MYH14: variants seen among roughly 807,000 people sequenced by gnomAD.
MYH14 encodes the protein myosin heavy chain 14.
MYH14 carries 123 observed loss-of-function variants against 255.5 expected under a neutral mutation model. The observed-to-expected ratio is 0.48, with a 90% confidence interval of 0.42 to 0.56. MYH14 has a LOEUF of 0.56. MYH14 is among the 20% of genes least tolerant of loss of function. The probability of loss-of-function intolerance (pLI) is 0.00; values close to 1 mark genes in which losing one functional copy is unlikely to be tolerated. For missense variants in MYH14, 2,423 were observed against 2,802.3 expected, an observed-to-expected ratio of 0.86 and a Z score of 3.06; for synonymous variants, 1,095 against 1,161.2, an observed-to-expected ratio of 0.94 and a Z score of 1.16.
At position 50,214,181 on chromosome 19, in the gene MYH14, G is replaced by T. The variant is rs12462388; in HGVS notation, c.405+3411G>T. ...ACATGAACTTGTGGATGACTCCCAGGCACCTTATGTAGGAAGCACTATTTC... is the reference window on the plus strand; with the variant it reads ...ACATGAACTTGTGGATGACTCCCAGTCACCTTATGTAGGAAGCACTATTTC... On this transcript the variant is annotated intron_variant, in intron 2 of 42. Coordinates refer to ENST00000642316, the MANE Select transcript of MYH14 (RefSeq NM_001145809.2). Among the ~76,000 whole-genome samples, 508 of 152,262 alleles carry T rather than the reference G, an allele frequency of 3.3e-3. 5 individuals carry two copies. In the East Asian group the frequency reaches 0.057, roughly 17 times the overall value.
At chr19:50,303,377 G>A (rs2036556823) in intron 40 of MYH14, among the ~76,000 whole-genome samples, 3 of 152,174 alleles carry the variant, frequency 2.0e-5, no homozygotes, top group Admixed American at 2.0e-4. Flanking sequence ...CAGGAGGCTA[G>A]CCCAGGATTG....
At chr19:50,257,174 C>A in intron 17 of MYH14, 125 bp from the exon 18 acceptor site, 1 of 702,672 alleles carries the variant, frequency 1.4e-6, no homozygotes, top group Non-Finnish European at 2.3e-6. Flanking sequence ...ACCTTACAGG[C>A]TGTGTGAGGT....
At chr19:50,210,796 CG>C (rs1568462229) in intron 2 of MYH14, 26 bp downstream of exon 2, 2 of 1,537,372 alleles carry the variant, frequency 1.3e-6, no homozygotes, top group Non-Finnish European at 1.7e-6. Flanking sequence ...CTGGGGGGCG[CG>C]TGCGGCGGAG....
Position 50,290,963 on chromosome 19 carries a change from A to T in MYH14, c.5042A>T (p.Glu1681Val). The T allele has an allele frequency of 6.2e-7, 1 of 1,605,624 alleles. No homozygotes were observed. Among genetic ancestry groups the T allele is most frequent in the Non-Finnish European group, 8.5e-7 (1 of 1,176,686 alleles). Residue 1681 changes from glutamate (E) to valine (V), a missense_variant, in exon 36 of 43, where the codon GAG (glutamate) becomes GTG (valine). By Grantham distance (121) the Glu-to-Val change is moderately radical. This residue lies in a region of MYH14 where 1,513 missense variants were observed against 1,674.8 expected (regional missense o/e 0.90). Coordinates refer to ENST00000642316, the MANE Select transcript of MYH14 (RefSeq NM_001145809.2). ...GCCGTGGCTGCCCGCAAGAAGCTGG[A>T]GGGAGAGCTGGAGGAGCTGAAGGCT... ...TLAVAARKKL[E>V]GELEELKAQM...
At chr19:50,271,648 A>C in intron 25 of MYH14, 102 bp downstream of exon 25, 3 of 1,429,578 alleles carry the variant, frequency 2.1e-6, no homozygotes, top group Non-Finnish European at 2.9e-6. Context: ...TGCGGTTCTC[A>C]GGTGTGCACC....
intron 2 of MYH14, among the ~76,000 whole-genome samples, chr19:50,212,187 A>G (rs954651523): frequency 4.6e-5 from 7 of 152,148 alleles, no homozygotes; most frequent in African/African-American, 1.7e-4. Context: ...CTTAGAAAAT[A>G]CCAGTGACGG....
Position 50,293,451 on chromosome 19 carries a change from G to A in MYH14, c.5346-113G>A. The stretch of plus-strand genomic sequence containing the variant: ...GCGGGGTTAACCTCGGGGCCCCTGG[G>A]GTGTGAGGCTGGGGAGATGCGTGGG... On this transcript the variant is annotated intron_variant, in intron 38 of 42. Transcript: ENST00000642316. This position sits in a 1 kb window ranked among gnomAD's most constrained non-coding sequence, Gnocchi z 4.1. 1 of 1,542,222 alleles carries A rather than the reference G, an allele frequency of 6.5e-7. No individual in the cohort carries two copies. The highest frequency in any genetic ancestry group is 8.8e-7 in the Non-Finnish European group (1 of 1,136,332).
chr19:50,217,061 G>A (rs1316854400), intron 2 of MYH14, among the ~76,000 whole-genome samples: 5 of 151,774 alleles, frequency 3.3e-5, no homozygotes, highest in African/African-American at 4.8e-5. Flanking sequence ...CACCCGTCTC[G>A]GCTTCCCAAA....
At chr19:50,281,324 T>C (rs546726695) in intron 32 of MYH14, among the ~76,000 whole-genome samples, 1 of 152,312 alleles carries the variant, frequency 6.6e-6, no homozygotes, top group Non-Finnish European at 1.5e-5. Context: ...TGTGACTCTG[T>C]GTCTCCCCCA....
At chr19:50,223,217 C>A in intron 4 of MYH14, 30 bp from the exon 5 acceptor site, 1 of 1,610,536 alleles carries the variant, frequency 6.2e-7, no homozygotes, top group Non-Finnish European at 8.5e-7. Flanking sequence ...TCATTGCCAA[C>A]CCCTTTGCTT....
chr19:50,276,687 C>T lies in MYH14; in HGVS notation c.3681-70C>T. 6.3e-7 allele frequency: 1 copy of T among 1,599,064 alleles called. No homozygotes were observed. The highest frequency in any genetic ancestry group is 8.6e-7 in the Non-Finnish European group (1 of 1,168,824). The stretch of plus-strand genomic sequence containing the variant: ...AAGGAAACATGAAAAGGAGAAACAA[C>T]CAGCTCCCCCAAAGCCCCTGCCTTC... On this transcript the variant is annotated intron_variant, in intron 28 of 42. Transcript: ENST00000642316. The surrounding 1 kb of genome is among the most constrained non-coding windows in gnomAD (Gnocchi z 4.3).
At chr19:50,259,916 C>T (rs1378437045) in intron 19 of MYH14, among the ~76,000 whole-genome samples, 1 of 151,962 alleles carries the variant, frequency 6.6e-6, no homozygotes, top group East Asian at 1.9e-4. Flanking sequence ...TAGAATAGGA[C>T]AGAATAGAAA....
chr19:50,261,897 G>C (rs2034894495), intron 21 of MYH14, among the ~76,000 whole-genome samples: 1 of 152,138 alleles, frequency 6.6e-6, no homozygotes, highest in Non-Finnish European at 1.5e-5. Context: ...GTGGGCCTGG[G>C]TCTGGGTTTC....
At chr19:50,248,059 CAAAAAAAAAAAAAAA>C (rs10588130) in intron 12 of MYH14, among the ~76,000 whole-genome samples, 2 of 106,834 alleles carry the variant, frequency 1.9e-5, no homozygotes, top group Non-Finnish European at 3.8e-5. Context: ...GACTCTGTCT[CAAAAAAAAAAAAAAA>C]AAGAAAAGAA....
In MYH14 at chr19:50,236,160, C is replaced by T. The variant is rs375362933; in HGVS notation, c.1114+4090C>T. The stretch of plus-strand genomic sequence containing the variant: ...CAGCCTGGGCAACATGATGCAACCT[C>T]GTCTTTACAAAAAACACAAAAAATT... On this transcript the variant is annotated intron_variant, in intron 10 of 42. Transcript: ENST00000642316. Among the ~76,000 whole-genome samples, 75 of 151,874 alleles carry T rather than the reference C, an allele frequency of 4.9e-4. 1 individual carries two copies. In the South Asian group the frequency reaches 0.015, roughly 29 times the overall value.
rs574315939 is a variant in MYH14, at chr19:50,207,709, G to C, written c.-3-2654G>C. Among the ~76,000 whole-genome samples, 7 of 152,346 alleles carry C rather than the reference G, an allele frequency of 4.6e-5. No homozygotes were observed. The East Asian group carries it at 1.3e-3, about 29-fold the overall frequency. On this transcript the variant is annotated intron_variant, in intron 1 of 42. Transcript: ENST00000642316. ...CAGTGAGATTCGAGTCTATTCTGCA[G>C]GCATGAGATAGGCGTGACCAGAGGT...
chr19:50,310,342 G>A lies in MYH14; in HGVS notation c.*552G>A, dbSNP rs535549417. 1 of 165,160 alleles carries A rather than the reference G, an allele frequency of 6.1e-6. No homozygotes were observed. The allele number at this position is 165,160 out of a possible 1,614,324, so 10.2% of individuals were successfully genotyped here. On this transcript the variant is annotated 3_prime_UTR_variant, in exon 43 of 43. Coordinates refer to ENST00000642316, the MANE Select transcript of MYH14 (RefSeq NM_001145809.2). ...TCCACCCCTGAACTCCTGAGCGACA[G>A]AAGCCCCAGGCCTCCACCAGCCTTG...
intron 10 of MYH14, 63 bp from the exon 11 acceptor site, chr19:50,244,179 G>A: frequency 7.0e-7 from 1 of 1,423,120 alleles, no homozygotes; most frequent in Non-Finnish European, 9.9e-7. Context: ...ATGTTTAAGG[G>A]GCCAGTTAAG....
At chr19:50,288,394 A>G (rs1220809693) in intron 34 of MYH14, among the ~76,000 whole-genome samples, 2 of 152,318 alleles carry the variant, frequency 1.3e-5, no homozygotes, top group East Asian at 3.9e-4. Flanking sequence ...CTGCAGCCCT[A>G]GGGATAATTG....
Sources: allele counts gnomAD v4.1 joint callset (sites outside exome capture counted in the v4.1 genomes callset), GRCh38; gene constraint gnomAD v4.1.1; regional missense constraint gnomAD v4.1.1; non-coding constraint Gnocchi (gnomAD v3.1); transcripts MANE v1.5; gene names NCBI Gene and HGNC (gene_info 2026-07-23, HGNC 2026-07-21).